TSHZ2: variants seen among roughly 807,000 people sequenced by gnomAD.
The protein encoded by TSHZ2 is teashirt homolog 2.
Under a neutral mutation model 74.4 loss-of-function variants are expected in TSHZ2, and 21 were observed. That is an observed-to-expected ratio of 0.28 (90% CI 0.20 to 0.41). The LOEUF is 0.41. Among genes scored for constraint, TSHZ2 ranks in the 10% least tolerant of loss-of-function variants. The probability of loss-of-function intolerance (pLI) is 1.00; values close to 1 mark genes in which losing one functional copy is unlikely to be tolerated. For missense variants in TSHZ2, 1,244 were observed against 1,293.5 expected (o/e 0.96, Z 0.59); for synonymous variants, 540 against 515.3 (o/e 1.05, Z -0.65).
intron 2 of TSHZ2, among the ~76,000 whole-genome samples, chr20:53,315,007 G>C (rs570975726): frequency 1.3e-5 from 2 of 152,290 alleles, no homozygotes; most frequent in South Asian, 4.1e-4. Context: ...TACAAGAATT[G>C]ACACAATATT....
intron 2 of TSHZ2, among the ~76,000 whole-genome samples, chr20:53,335,089 C>A (rs555534214): frequency 6.6e-6 from 1 of 152,308 alleles, no homozygotes; most frequent in South Asian, 2.1e-4. Context: ...AGGTGAGAGA[C>A]GACCATGCCT....
chr20:53,004,570 G>T (rs572125482), intron 1 of TSHZ2, among the ~76,000 whole-genome samples: 2 of 152,214 alleles, frequency 1.3e-5, no homozygotes, highest in African/African-American at 4.8e-5. Flanking sequence ...CAGACCTGCC[G>T]GGAAAAGCAT....
rs1600750276 is a variant in TSHZ2 at position 53,222,058 on chromosome 20, G to C, written c.41-31441G>C. 2.0e-5 allele frequency among the ~76,000 whole-genome samples: 3 copies of C among 152,216 alleles called. 1 individual carries two copies. In the East Asian group the frequency reaches 5.8e-4, roughly 29 times the overall value. On this transcript the variant is annotated intron_variant, in intron 1 of 2. Coordinates refer to ENST00000371497, the MANE Select transcript of TSHZ2 (RefSeq NM_173485.6). ...GTCCCTAAGTATTTGGATGGCTAATGGTCAAAAGCTAGCTCTTACTTCTTA... is the reference window on the plus strand; with the variant it reads ...GTCCCTAAGTATTTGGATGGCTAATCGTCAAAAGCTAGCTCTTACTTCTTA...
At chr20:53,011,161 C>T (rs1568718393) in intron 1 of TSHZ2, among the ~76,000 whole-genome samples, 1 of 152,028 alleles carries the variant, frequency 6.6e-6, no homozygotes, top group African/African-American at 2.4e-5. Flanking sequence ...GTGAAAAGTC[C>T]TCAGATGAGT....
intron 2 of TSHZ2, chr20:53,455,234 T>A (rs1464484155): frequency 2.0e-5 from 3 of 152,444 alleles, no homozygotes; most frequent in East Asian, 3.9e-4. Flanking sequence ...ATCACCCTGC[T>A]TACGGTCTTC....
intron 1 of TSHZ2, among the ~76,000 whole-genome samples, chr20:53,107,245 A>G (rs1350956134): frequency 6.6e-6 from 1 of 152,192 alleles, no homozygotes; most frequent in African/African-American, 2.4e-5. Context: ...TTGAGAACAT[A>G]AACTCTGGAG....
intron 1 of TSHZ2, among the ~76,000 whole-genome samples, chr20:53,056,951 G>T (rs897249270): frequency 4.6e-5 from 7 of 152,158 alleles, no homozygotes; most frequent in Non-Finnish European, 8.8e-5. Context: ...ATCCTGAATT[G>T]TAGCTCCCAT....
intron 1 of TSHZ2, among the ~76,000 whole-genome samples, chr20:53,184,136 G>T (rs1988546582): frequency 1.3e-5 from 2 of 152,134 alleles, no homozygotes; most frequent in Admixed American, 6.5e-5. Context: ...GTGGGACTGT[G>T]GCTTTGCAAC....
intron 2 of TSHZ2, among the ~76,000 whole-genome samples, chr20:53,428,557 T>A (rs1983732856): frequency 2.0e-5 from 3 of 152,212 alleles, no homozygotes; most frequent in Admixed American, 2.0e-4. Context: ...GCAGATAACT[T>A]ATTCCCAATC....
rs115657269 is a variant in TSHZ2, at chr20:53,086,718, C to T, written c.40+113385C>T. 4.8e-3 allele frequency among the ~76,000 whole-genome samples: 730 copies of T among 152,220 alleles called. 6 individuals are homozygous for T. The highest frequency in any genetic ancestry group is 0.016 in the African/African-American group (681 of 41,524). On this transcript the variant is annotated intron_variant, in intron 1 of 2. Coordinates refer to ENST00000371497, the MANE Select transcript of TSHZ2 (RefSeq NM_173485.6). ...TTAACTGGAACTCGTGTCCTGAAAC[C>T]GTGTCTTCCCTTTGCACAGTTCTGT...
At chr20:52,974,928 C>T (rs1981271675) in intron 1 of TSHZ2, among the ~76,000 whole-genome samples, 1 of 152,116 alleles carries the variant, frequency 6.6e-6, no homozygotes, top group African/African-American at 2.4e-5. Context: ...TAGTGAGGTA[C>T]GTATTTGGAA....
At chr20:53,485,993 T>C (rs1986280891) in intron 2 of TSHZ2, among the ~76,000 whole-genome samples, 1 of 152,218 alleles carries the variant, frequency 6.6e-6, no homozygotes, top group Admixed American at 6.5e-5. Context: ...ACAGAATTTT[T>C]CATCTTACAA....
In TSHZ2 at chr20:53,163,360, C is replaced by CTTTTTTTTTTT. The variant is rs55685519; in HGVS notation, c.41-90123_41-90113dup. Among the ~76,000 whole-genome samples, 41 of 65,632 alleles carry CTTTTTTTTTTT rather than the reference C, an allele frequency of 6.2e-4. 1 individual carries two copies. The highest frequency in any genetic ancestry group is 1.0e-3 in the Non-Finnish European group (37 of 35,396). 43.1% of individuals were successfully genotyped at this position (65,632 alleles called of 152,430 possible). On this transcript the variant is annotated intron_variant, in intron 1 of 2. Coordinates refer to ENST00000371497, the MANE Select transcript of TSHZ2 (RefSeq NM_173485.6). Reference sequence around the variant, plus strand: ...TTAAGTGCACGCACGCTCTCTGTCTCTTTTTTTTTTTTTTTTTTTTTTTTT... The same window carrying CTTTTTTTTTTT: ...TTAAGTGCACGCACGCTCTCTGTCTCTTTTTTTTTTTTTTTTTTTTTTTTTTTTTTTTTTTT...
At chr20:52,988,852 A>G (rs542334042) in intron 1 of TSHZ2, among the ~76,000 whole-genome samples, 1 of 152,232 alleles carries the variant, frequency 6.6e-6, no homozygotes, top group Non-Finnish European at 1.5e-5. Flanking sequence ...CTTAAGTCAG[A>G]CGCTGCTCAT....
At chr20:53,171,001 T>C (rs1280710988) in intron 1 of TSHZ2, among the ~76,000 whole-genome samples, 1 of 152,122 alleles carries the variant, frequency 6.6e-6, no homozygotes. Context: ...TACATGTCCT[T>C]ACAGTCTGTC....
At chr20:53,217,139 G>A (rs1989456073) in intron 1 of TSHZ2, among the ~76,000 whole-genome samples, 1 of 152,184 alleles carries the variant, frequency 6.6e-6, no homozygotes, top group African/African-American at 2.4e-5. Context: ...ATTGCTCGCT[G>A]TCAGGCCCAC....
At chr20:53,376,721 G>A (rs1468905422) in intron 2 of TSHZ2, among the ~76,000 whole-genome samples, 2 of 152,090 alleles carry the variant, frequency 1.3e-5, no homozygotes, top group East Asian at 1.9e-4. Flanking sequence ...CACTTATGTT[G>A]TGCACACTCA....
intron 1 of TSHZ2, among the ~76,000 whole-genome samples, chr20:53,018,948 T>C (rs1983137590): frequency 6.6e-6 from 1 of 152,222 alleles, no homozygotes; most frequent in Non-Finnish European, 1.5e-5. Context: ...TATGAGACTG[T>C]TTTCAAACAG....
chr20:53,199,959 G>A (rs1037056601), intron 1 of TSHZ2, among the ~76,000 whole-genome samples: 9 of 152,138 alleles, frequency 5.9e-5, no homozygotes, highest in South Asian at 2.1e-4. Flanking sequence ...ACACATCCAC[G>A]CGGTACCTTG....
Sources: allele counts gnomAD v4.1 joint callset (sites outside exome capture counted in the v4.1 genomes callset), GRCh38; gene constraint gnomAD v4.1.1; transcripts MANE v1.5; gene names NCBI Gene and HGNC (gene_info 2026-07-23, HGNC 2026-07-21).